The following PCDHGA4 variants were observed in gnomAD, a reference collection of about 807,000 sequenced individuals.
The protein encoded by PCDHGA4 is protocadherin gamma subfamily A, 4, also known as protocadherin gamma-A4.
A neutral mutation model predicts 54.6 loss-of-function variants in PCDHGA4; 38 were observed. That is an observed-to-expected ratio of 0.70 (90% CI 0.54 to 0.91). The LOEUF is 0.91. Among genes scored for constraint, PCDHGA4 ranks in the 40% least tolerant of loss-of-function variants. The pLI, the probability that PCDHGA4 is intolerant of heterozygous loss-of-function variation, is 0.00. For missense variants in PCDHGA4, 1,298 were observed against 1,220.9 expected (o/e 1.06, Z -0.94); for synonymous variants, 511 against 512.9 (o/e 1.00, Z 0.05).
chr5:141,407,938 GC>G, intron 1 of PCDHGA4: 1 of 510,154 alleles, frequency 2.0e-6, no homozygotes, highest in Non-Finnish European at 3.3e-6. Context: ...GCCTCTGGGC[GC>G]CGCTGTCGGC....
intron 1 of PCDHGA4, chr5:141,362,530 C>A: frequency 6.2e-7 from 1 of 1,613,936 alleles, no homozygotes. Context: ...CGCTGGGGTC[C>A]CTTTTGCCTC....
chr5:141,384,255 C>A (rs1434476229), intron 1 of PCDHGA4: 1 of 1,613,746 alleles, frequency 6.2e-7, no homozygotes, highest in African/African-American at 1.3e-5. Flanking sequence ...CACCCACCTT[C>A]CCCCACTCAT....
chr5:141,375,967 G>C (rs200712802), intron 1 of PCDHGA4: 9 of 1,613,254 alleles, frequency 5.6e-6, no homozygotes, highest in East Asian at 2.2e-5. Flanking sequence ...AGGTGCGCAC[G>C]GCGCGCGCCC....
chr5:141,494,182 C>T (rs188628485), intron 1 of PCDHGA4, among the ~76,000 whole-genome samples: 132 of 152,244 alleles, frequency 8.7e-4, no homozygotes, highest in African/African-American at 3.1e-3. Flanking sequence ...AGAAGTGTCC[C>T]GGGACTTGGA....
At chr5:141,393,534 G>GA in intron 1 of PCDHGA4, 1 of 1,613,928 alleles carries the variant, frequency 6.2e-7, no homozygotes, top group Non-Finnish European at 8.5e-7. Flanking sequence ...CAATGCCCCG[G>GA]TTTTTCCTCA....
chr5:141,415,730 G>A lies in PCDHGA4; in HGVS notation c.2514+58109G>A. On this transcript the variant is annotated intron_variant, in intron 1 of 3. Transcript: ENST00000571252. Reference sequence around the variant, plus strand: ...AAAACACTGATGAGTAGAATTTGATGTTTATTAAGGTTTTTTTTTTTTTTT... The same window carrying A: ...AAAACACTGATGAGTAGAATTTGATATTTATTAAGGTTTTTTTTTTTTTTT... 4 of 476,826 alleles carry A rather than the reference G, an allele frequency of 8.4e-6. No individual in the cohort carries two copies. The South Asian group carries it at 2.0e-4, about 24-fold the overall frequency. The allele number at this position is 476,826 out of a possible 1,614,324, so 29.5% of individuals were successfully genotyped here. A position where few individuals can be genotyped will look rare whatever the true frequency, so the allele number is the denominator to read the frequency against.
intron 1 of PCDHGA4, chr5:141,424,285 T>A (rs573116321): frequency 6.5e-6 from 1 of 152,894 alleles, no homozygotes; most frequent in South Asian, 2.1e-4. Context: ...CTTTGTCTCA[T>A]TTCTTCATCC....
intron 1 of PCDHGA4, chr5:141,372,449 G>A (rs777753711): frequency 2.5e-6 from 4 of 1,614,064 alleles, no homozygotes; most frequent in African/African-American, 1.3e-5. Context: ...CTGACCCTCA[G>A]GCGGAGCTAC....
At chr5:141,387,666 A>C (rs1286333740) in intron 1 of PCDHGA4, 1 of 683,200 alleles carries the variant, frequency 1.5e-6, no homozygotes, top group African/African-American at 1.8e-5. Flanking sequence ...TTGGCGCTCC[A>C]GATCTCCTCG....
intron 1 of PCDHGA4, chr5:141,404,736 A>T: frequency 6.2e-7 from 1 of 1,613,622 alleles, no homozygotes. Context: ...GTGGCAGTGG[A>T]CAGAGACTCA....
intron 1 of PCDHGA4, chr5:141,420,929 G>A (rs1321290902): frequency 1.4e-5 from 5 of 362,196 alleles, no homozygotes; most frequent in Non-Finnish European, 2.5e-5. Flanking sequence ...AAAGGTGAGC[G>A]TAATCATTTC....
rs768311217 is a variant in PCDHGA4 at position 141,382,969 on chromosome 5, T to C, written c.2514+25348T>C. On this transcript the variant is annotated intron_variant, in intron 1 of 3. Coordinates refer to ENST00000571252, the MANE Select transcript of PCDHGA4 (RefSeq NM_018917.4). Reference sequence around the variant, plus strand: ...GCTCTCCATCCTCCTGGGGACCCCCTGGGAAGCCTGGGCAGGACGTATTCT... The same window carrying C: ...GCTCTCCATCCTCCTGGGGACCCCCCGGGAAGCCTGGGCAGGACGTATTCT... The C allele has an allele frequency of 1.2e-5, 19 of 1,609,300 alleles. No homozygotes were observed. Among genetic ancestry groups the C allele is most frequent in the Non-Finnish European group, 1.6e-5 (19 of 1,176,708 alleles).
chr5:141,384,184 A>C (rs1179495803), intron 1 of PCDHGA4: 2 of 1,613,640 alleles, frequency 1.2e-6, no homozygotes, highest in Non-Finnish European at 1.7e-6. Flanking sequence ...AGATGGTGGA[A>C]CTCCTCCCTT....
chr5:141,425,015 A>G (rs1285592254), intron 1 of PCDHGA4, among the ~76,000 whole-genome samples: 2 of 152,190 alleles, frequency 1.3e-5, no homozygotes, highest in East Asian at 3.8e-4. Context: ...TCATTTAGGA[A>G]TTTACCTTAT....
chr5:141,477,260 G>A lies in PCDHGA4; in HGVS notation c.2515-17547G>A. On this transcript the variant is annotated intron_variant, in intron 1 of 3. Coordinates refer to ENST00000571252, the MANE Select transcript of PCDHGA4 (RefSeq NM_018917.4). This position sits in a 1 kb window ranked among gnomAD's most constrained non-coding sequence, Gnocchi z 4.9. ...GCTCAGTGTGACTGACCTGGATGCTGGCGAGAACGGGCTGGTGACCTGCGA... is the reference window on the plus strand; with the variant it reads ...GCTCAGTGTGACTGACCTGGATGCTAGCGAGAACGGGCTGGTGACCTGCGA... 6.2e-7 allele frequency: 1 copy of A among 1,614,200 alleles called. No homozygotes were observed. Among genetic ancestry groups the A allele is most frequent in the Non-Finnish European group, 8.5e-7 (1 of 1,180,048 alleles).
chr5:141,393,376 G>C (rs749009041), intron 1 of PCDHGA4: 2 of 1,613,842 alleles, frequency 1.2e-6, no homozygotes, highest in African/African-American at 2.7e-5. Flanking sequence ...GGAGACAATG[G>C]AGCCATAAAC....
At chr5:141,391,495 A>G (rs962883294) in intron 1 of PCDHGA4, 2 of 152,136 alleles carry the variant, frequency 1.3e-5, no homozygotes, top group Non-Finnish European at 2.9e-5. Context: ...TGTTTTCAGT[A>G]GAGAAAATAT....
Position 141,394,592 on chromosome 5 carries a change from G to A in PCDHGA4, c.2514+36971G>A, listed in dbSNP as rs754585576. The A allele has an allele frequency of 3.3e-4, 534 of 1,613,642 alleles. 1 individual carries two copies. Among genetic ancestry groups the A allele is most frequent in the Non-Finnish European group, 4.3e-4 (502 of 1,180,046 alleles). On this transcript the variant is annotated intron_variant, in intron 1 of 3. Coordinates refer to ENST00000571252, the MANE Select transcript of PCDHGA4 (RefSeq NM_018917.4). ...GCTACCTGGTGACCAAGGTGGTGGC[G>A]GTGGACAGAGACTCGGGCCAGAACG...
intron 1 of PCDHGA4, among the ~76,000 whole-genome samples, chr5:141,381,931 G>A (rs1032910832): frequency 6.3e-5 from 9 of 143,684 alleles, no homozygotes; most frequent in African/African-American, 2.3e-4. Context: ...CCGGGTTCAA[G>A]CGATTTTCCT....
Sources: gnomAD v4.1 joint callset for allele counts (sites outside exome capture counted in the v4.1 genomes callset) on GRCh38, gnomAD v4.1.1 for gene constraint, Gnocchi (gnomAD v3.1) non-coding constraint, MANE v1.5 for transcripts, NCBI Gene and HGNC (gene_info 2026-07-23, HGNC 2026-07-21) for gene names.